VRK2: variants seen among roughly 807,000 people sequenced by gnomAD.
VRK2 encodes the protein serine/threonine-protein kinase VRK2.
VRK2 carries 60 observed loss-of-function variants against 57.6 expected under a neutral mutation model. The observed-to-expected ratio is 1.04, with a 90% CI of 0.85 to 1.29. The LOEUF (loss-of-function observed/expected upper bound fraction) is 1.29, where lower values mean the gene tolerates loss of function less well. VRK2 is among the 50% of genes most tolerant of loss of function. VRK2 has a pLI of 0.00. For missense variants in VRK2, 705 were observed against 588.1 expected (o/e 1.20, Z -2.06); for synonymous variants, 231 against 199.2 (o/e 1.16, Z -1.35).
chr2:57,970,155 A>G (rs572860541), intron 1 of VRK2, among the ~76,000 whole-genome samples: 74 of 148,624 alleles, frequency 5.0e-4, no homozygotes, highest in African/African-American at 1.6e-3. Flanking sequence ...TGATGTAAAC[A>G]TATAATCATA....
intron 1 of VRK2, among the ~76,000 whole-genome samples, chr2:57,936,506 T>G (rs962711235): frequency 4.0e-5 from 6 of 150,626 alleles, no homozygotes; most frequent in Non-Finnish European, 5.9e-5. Context: ...TTTCATTTTT[T>G]TGTTTTGTTT....
chr2:57,939,438 AATAAAACAGACAC>A, intron 1 of VRK2, among the ~76,000 whole-genome samples: 1 of 152,178 alleles, frequency 6.6e-6, no homozygotes, highest in Non-Finnish European at 1.5e-5. Context: ...TTTTTTCTAT[AATAAAACAGACAC>A]ATTACTTTCC....
chr2:57,940,060 T>A (rs1459358552), intron 1 of VRK2, among the ~76,000 whole-genome samples: 1 of 152,174 alleles, frequency 6.6e-6, no homozygotes, highest in African/African-American at 2.4e-5. Context: ...AAAGTCATTG[T>A]ATTAGTCAAG....
chr2:57,928,185 C>G (rs932962081), intron 1 of VRK2, among the ~76,000 whole-genome samples: 3 of 152,050 alleles, frequency 2.0e-5, no homozygotes, highest in African/African-American at 7.2e-5. Flanking sequence ...GGCTATCTGG[C>G]AAACCTTGTA....
intron 1 of VRK2, among the ~76,000 whole-genome samples, chr2:58,016,629 GGATTACAGCCGT>G: frequency 6.6e-6 from 1 of 152,206 alleles, no homozygotes. Flanking sequence ...AAAAGTGCTG[GGATTACAGCCGT>G]GAGCCACCAC....
chr2:57,952,254 G>GA (rs1327558717), intron 1 of VRK2, among the ~76,000 whole-genome samples: 3 of 151,778 alleles, frequency 2.0e-5, no homozygotes, highest in Admixed American at 6.6e-5. Context: ...TGGTGGTCTG[G>GA]AAAAAAACCC....
chr2:58,136,631 C>G (rs1043068368), intron 10 of VRK2, among the ~76,000 whole-genome samples: 22 of 151,790 alleles, frequency 1.4e-4, no homozygotes, highest in African/African-American at 4.8e-4. Flanking sequence ...TGATCCCCCC[C>G]ACCTTGCCCT....
At chr2:58,066,238 G>A (rs1668591901) in intron 2 of VRK2, among the ~76,000 whole-genome samples, 1 of 152,088 alleles carries the variant, frequency 6.6e-6, no homozygotes, top group African/African-American at 2.4e-5. Context: ...TTAACTGTAG[G>A]TTTTCATACC....
chr2:58,028,851 A>G (rs866068010), intron 2 of VRK2, among the ~76,000 whole-genome samples: 1 of 144,802 alleles, frequency 6.9e-6, no homozygotes, highest in African/African-American at 2.6e-5. Context: ...AAACCTGCAC[A>G]TTGTGCACAT....
chr2:58,061,258 A>G (rs1170456313), intron 2 of VRK2, among the ~76,000 whole-genome samples: 1 of 151,976 alleles, frequency 6.6e-6, no homozygotes, highest in Non-Finnish European at 1.5e-5. Context: ...AATAATAAAA[A>G]CAGCTAAGTT....
At position 58,137,238 on chromosome 2, in the gene VRK2, A is replaced by ATATATGATACATG. The variant is rs1558687490; in HGVS notation, c.856+2042_856+2043insATGATACATGTAT. ...TACATATATATCATATGATACATAT[A>ATATATGATACATG]TATCATATATATGATATATATGATA... On this transcript the variant is annotated intron_variant, in intron 10 of 12. Transcript: ENST00000340157. 2.2e-4 allele frequency among the ~76,000 whole-genome samples: 15 copies of ATATATGATACATG among 68,284 alleles called. 2 individuals carry two copies. Among genetic ancestry groups the ATATATGATACATG allele is most frequent in the African/African-American group, 5.9e-4 (14 of 23,780 alleles). 44.8% of individuals were successfully genotyped at this position (68,284 alleles called of 152,430 possible).
intron 1 of VRK2, among the ~76,000 whole-genome samples, chr2:57,943,746 A>C (rs1671170384): frequency 1.3e-5 from 2 of 152,226 alleles, no homozygotes; most frequent in Non-Finnish European, 2.9e-5. Context: ...CTTTTGGCCG[A>C]GGAAAGGGTA....
At chr2:58,112,625 C>T (rs1367842650) in intron 7 of VRK2, among the ~76,000 whole-genome samples, 1 of 151,168 alleles carries the variant, frequency 6.6e-6, no homozygotes. Flanking sequence ...ACACGGGAGT[C>T]CTGAAAATAT....
chr2:58,078,436 T>G (rs1362432475), intron 2 of VRK2, among the ~76,000 whole-genome samples: 2 of 152,116 alleles, frequency 1.3e-5, no homozygotes, highest in Non-Finnish European at 2.9e-5. Context: ...TTTGGCTAAT[T>G]GTCTGTAATG....
rs979256098 is a variant in VRK2, at chr2:57,936,523, G to GTTTTTTTTTT, written c.-439+28691_-439+28692insTTTTTTTTTT. ...TCATTTTTTTGTTTTGTTTTGTTTT[G>GTTTTTTTTTT]TTTTTTTGTTTTTTTTTTTTTGAGA... On this transcript the variant is annotated intron_variant, in intron 1 of 15. Coordinates refer to the VRK2 transcript ENST00000417641. Among the ~76,000 whole-genome samples, 19 of 145,354 alleles carry GTTTTTTTTTT rather than the reference G, an allele frequency of 1.3e-4. 1 individual carries two copies. The highest frequency in any genetic ancestry group is 2.0e-4 in the African/African-American group (8 of 39,462).
chr2:57,916,588 A>T (rs1670161356), intron 1 of VRK2, among the ~76,000 whole-genome samples: 1 of 151,996 alleles, frequency 6.6e-6, no homozygotes. Context: ...TTCATGTATG[A>T]TATTGGTTTT....
intron 1 of VRK2, among the ~76,000 whole-genome samples, chr2:57,974,551 AAAAAAATTCTTCT>A (rs1440866384): frequency 6.6e-6 from 1 of 151,902 alleles, no homozygotes; most frequent in Non-Finnish European, 1.5e-5. Flanking sequence ...TAAAAATAGG[AAAAAAATTCTTCT>A]AAAAAATTAG....
At chr2:57,936,318 G>A (rs1428311334) in intron 1 of VRK2, among the ~76,000 whole-genome samples, 5 of 152,020 alleles carry the variant, frequency 3.3e-5, no homozygotes, top group African/African-American at 1.2e-4. Context: ...AACCTTATAG[G>A]CTGATTTTTC....
intron 8 of VRK2, among the ~76,000 whole-genome samples, chr2:58,123,785 G>A (rs760127373): frequency 2.0e-5 from 3 of 151,692 alleles, no homozygotes; most frequent in Non-Finnish European, 4.4e-5. Flanking sequence ...AGCCAAGGAG[G>A]TTGAGGCTGC....
Sources: gnomAD v4.1 joint callset for allele counts (sites outside exome capture counted in the v4.1 genomes callset) on GRCh38, gnomAD v4.1.1 for gene constraint, MANE v1.5 for transcripts, NCBI Gene and HGNC (gene_info 2026-07-23, HGNC 2026-07-21) for gene names.